The following EYS variants were observed in gnomAD, a reference collection of about 807,000 sequenced individuals.
The protein encoded by EYS is protein eyes shut homolog.
In EYS, 250 loss-of-function variants were observed where a neutral mutation model predicts 282.1. The observed-to-expected ratio is 0.89, with a 90% CI of 0.80 to 0.98. The LOEUF (loss-of-function observed/expected upper bound fraction) is 0.98, where lower values mean the gene tolerates loss of function less well. EYS is among the 50% of genes least tolerant of loss of function. The pLI is 0.00. For missense variants in EYS, 4,016 were observed against 3,709.0 expected, an observed-to-expected ratio of 1.08 and a Z score of -2.15; for synonymous variants, 1,355 against 1,282.9, an observed-to-expected ratio of 1.06 and a Z score of -1.20.
At chr6:65,386,630 A>C (rs2150353380) in intron 7 of EYS, among the ~76,000 whole-genome samples, 1 of 152,106 alleles carries the variant, frequency 6.6e-6, no homozygotes, top group Admixed American at 6.6e-5. Context: ...AAAGTAAACA[A>C]AAGCAAACTC....
intron 12 of EYS, among the ~76,000 whole-genome samples, chr6:65,214,236 C>A (rs1429413183): frequency 2.8e-5 from 4 of 144,384 alleles, no homozygotes; most frequent in Non-Finnish European, 4.5e-5. Context: ...TTGTACCAAG[C>A]AGCCAAGTTG....
At chr6:64,268,000 T>C (rs1013505411) in intron 30 of EYS, among the ~76,000 whole-genome samples, 2 of 152,140 alleles carry the variant, frequency 1.3e-5, no homozygotes, top group African/African-American at 4.8e-5. Flanking sequence ...AAAGCATATA[T>C]CTTTCCACTT....
chr6:64,362,986 T>C (rs540303751), intron 29 of EYS, among the ~76,000 whole-genome samples: 23 of 127,136 alleles, frequency 1.8e-4, no homozygotes, highest in Non-Finnish European at 2.9e-4. Context: ...TTTCATTTTC[T>C]TTCATTTTCT....
At chr6:64,481,470 T>C (rs1034275138) in intron 26 of EYS, among the ~76,000 whole-genome samples, 5 of 150,996 alleles carry the variant, frequency 3.3e-5, no homozygotes, top group Admixed American at 6.6e-5. Context: ...AAGGTGATCA[T>C]TTTGAATTTC....
At chr6:65,355,505 A>C (rs1764446265) in intron 8 of EYS, among the ~76,000 whole-genome samples, 1 of 152,158 alleles carries the variant, frequency 6.6e-6, no homozygotes, top group African/African-American at 2.4e-5. Context: ...TCTGCACAGC[A>C]AAAGAAATAA....
intron 31 of EYS, among the ~76,000 whole-genome samples, chr6:64,204,469 G>A (rs956329603): frequency 6.6e-6 from 1 of 151,924 alleles, no homozygotes. Flanking sequence ...AAGTAGTCAA[G>A]GTGTCCATCA....
intron 28 of EYS, among the ~76,000 whole-genome samples, chr6:64,394,105 C>T (rs1773265149): frequency 6.6e-6 from 1 of 152,122 alleles, no homozygotes; most frequent in Non-Finnish European, 1.5e-5. Context: ...AGGAGAACTA[C>T]AAACCACTGC....
chr6:64,021,606 G>T (rs1769195066), intron 33 of EYS, among the ~76,000 whole-genome samples: 1 of 152,112 alleles, frequency 6.6e-6, no homozygotes, highest in African/African-American at 2.4e-5. Flanking sequence ...ATGGGACATG[G>T]TTTTTCTACA....
intron 33 of EYS, among the ~76,000 whole-genome samples, chr6:64,000,273 G>A (rs1259029646): frequency 1.5e-5 from 2 of 136,454 alleles, no homozygotes; most frequent in Non-Finnish European, 3.1e-5. Flanking sequence ...CTCACGGCAA[G>A]CTCTGCCTCC....
chr6:64,360,763 A>G (rs934761308), intron 29 of EYS, among the ~76,000 whole-genome samples: 2 of 151,732 alleles, frequency 1.3e-5, no homozygotes, highest in Admixed American at 1.3e-4. Context: ...GCTAAATAGA[A>G]CACCAATATT....
intron 14 of EYS, among the ~76,000 whole-genome samples, chr6:64,954,911 G>A (rs896292611): frequency 7.2e-5 from 11 of 152,178 alleles, no homozygotes; most frequent in African/African-American, 2.7e-4. Context: ...GCTCACACCT[G>A]TAATCCCAGA....
rs572060302 is a variant in EYS at position 65,317,869 on chromosome 6, T to C, written c.1766+17111A>G. Among the ~76,000 whole-genome samples, 18 of 59,754 alleles carry C rather than the reference T, an allele frequency of 3.0e-4. No individual in the cohort carries two copies. In the South Asian group the frequency reaches 3.8e-3, roughly 13 times the overall value. 39.2% of individuals were successfully genotyped at this position (59,754 alleles called of 152,430 possible). On this transcript the variant is annotated intron_variant, in intron 11 of 42. Transcript: ENST00000503581. Reference sequence around the variant, plus strand: ...TTCTTTCTTTCTTTCTTTCTTTCTTTCTTTCTTTCTTTCTTTCAGACAGAG... The same window carrying C: ...TTCTTTCTTTCTTTCTTTCTTTCTTCCTTTCTTTCTTTCTTTCAGACAGAG...
chr6:64,142,393 A>C (rs1774366040), intron 31 of EYS, among the ~76,000 whole-genome samples: 1 of 152,066 alleles, frequency 6.6e-6, no homozygotes, highest in African/African-American at 2.4e-5. Context: ...AAGTGCTACA[A>C]GACCAGCCCC....
chr6:64,666,186 C>T (rs1357845589), intron 22 of EYS, among the ~76,000 whole-genome samples: 1 of 152,168 alleles, frequency 6.6e-6, no homozygotes. Context: ...CAGCAAATCA[C>T]TGTGATGTGA....
At chr6:65,393,400 T>C (rs1343751586) in intron 7 of EYS, among the ~76,000 whole-genome samples, 3 of 152,194 alleles carry the variant, frequency 2.0e-5, no homozygotes, top group Non-Finnish European at 4.4e-5. Context: ...TTGAGATAAT[T>C]AACTCCAAAA....
chr6:65,434,097 A>C (rs9445545), intron 5 of EYS, among the ~76,000 whole-genome samples: 26,524 of 152,180 alleles, frequency 0.17, 2,636 homozygotes, highest in East Asian at 0.31. Flanking sequence ...TTAAAAAGGC[A>C]GAGTGATTGG....
chr6:63,966,215 C>A (rs58064395), intron 35 of EYS, among the ~76,000 whole-genome samples: 2 of 152,084 alleles, frequency 1.3e-5, no homozygotes, highest in Admixed American at 6.6e-5. Context: ...ACATTTGCAG[C>A]GACCTGGATG....
At chr6:65,595,146 A>G (rs532286018) in intron 2 of EYS, among the ~76,000 whole-genome samples, 2 of 152,084 alleles carry the variant, frequency 1.3e-5, no homozygotes, top group African/African-American at 4.8e-5. Flanking sequence ...CCATAAAAAA[A>G]CGATGAGTTC....
At chr6:64,187,730 T>A (rs1485961253) in intron 31 of EYS, among the ~76,000 whole-genome samples, 3 of 152,076 alleles carry the variant, frequency 2.0e-5, no homozygotes, top group Admixed American at 2.0e-4. Flanking sequence ...TAGATATTGT[T>A]TCATTAAGAA....
Sources: allele counts gnomAD v4.1 joint callset (sites outside exome capture counted in the v4.1 genomes callset), GRCh38; gene constraint gnomAD v4.1.1; transcripts MANE v1.5; gene names NCBI Gene and HGNC (gene_info 2026-07-23, HGNC 2026-07-21).